Variants in SLC35F3 observed in about 807,000 individuals in gnomAD.
The protein encoded by SLC35F3 is solute carrier family 35 member F3, also known as putative thiamine transporter SLC35F3.
In SLC35F3, 25 loss-of-function variants were observed where a neutral mutation model predicts 49.9. The observed-to-expected ratio is 0.50, with a 90% CI of 0.37 to 0.70. The LOEUF (loss-of-function observed/expected upper bound fraction) is 0.70. SLC35F3 is among the 30% of genes least tolerant of loss of function. SLC35F3 has a pLI of 0.00. For missense variants in SLC35F3, 525 were observed against 639.8 expected, an observed-to-expected ratio of 0.82 and a Z score of 1.94; for synonymous variants, 275 against 265.4, an observed-to-expected ratio of 1.04 and a Z score of -0.35.
At chr1:233,979,044 A>C (rs1663137497) in intron 2 of SLC35F3, among the ~76,000 whole-genome samples, 1 of 152,022 alleles carries the variant, frequency 6.6e-6, no homozygotes, top group South Asian at 2.1e-4. Flanking sequence ...TCCAATTAAA[A>C]AAAAAAAAAC....
chr1:234,302,682 G>A (rs1448088612), intron 3 of SLC35F3, among the ~76,000 whole-genome samples: 4 of 152,084 alleles, frequency 2.6e-5, no homozygotes, highest in Admixed American at 1.3e-4. Context: ...GTTTGGCTCC[G>A]CTACTAACAT....
chr1:234,146,068 T>C (rs1222658202), intron 2 of SLC35F3, among the ~76,000 whole-genome samples: 1 of 152,200 alleles, frequency 6.6e-6, no homozygotes, highest in African/African-American at 2.4e-5. Context: ...TTTCTTCTTT[T>C]TAATCTGGTA....
intron 2 of SLC35F3, among the ~76,000 whole-genome samples, chr1:234,201,712 G>C (rs1245004671): frequency 6.6e-6 from 1 of 152,176 alleles, no homozygotes; most frequent in African/African-American, 2.4e-5. Flanking sequence ...ACCCCCAGGA[G>C]TGAAATACAA....
intron 2 of SLC35F3, among the ~76,000 whole-genome samples, chr1:234,069,374 C>T (rs2102867083): frequency 6.6e-6 from 1 of 151,118 alleles, no homozygotes; most frequent in East Asian, 1.9e-4. Flanking sequence ...TCTCCTGGCT[C>T]AGCCTCCTAA....
intron 2 of SLC35F3, among the ~76,000 whole-genome samples, chr1:234,110,136 G>A (rs1052245683): frequency 3.9e-5 from 6 of 152,096 alleles, no homozygotes; most frequent in Admixed American, 1.3e-4. Flanking sequence ...AAAAGGGAAG[G>A]TTTCTGATCA....
At chr1:234,021,353 C>G (rs956579144) in intron 2 of SLC35F3, among the ~76,000 whole-genome samples, 32 of 152,132 alleles carry the variant, frequency 2.1e-4, no homozygotes, top group Admixed American at 2.1e-3. Context: ...TCCTCATGCT[C>G]CCTCATCATC....
intron 2 of SLC35F3, among the ~76,000 whole-genome samples, chr1:234,163,170 T>C (rs1398590310): frequency 6.6e-6 from 1 of 152,220 alleles, no homozygotes; most frequent in African/African-American, 2.4e-5. Context: ...TCACAAAATT[T>C]TGAACTTTCA....
chr1:234,000,565 A>T (rs1663535844), intron 2 of SLC35F3, among the ~76,000 whole-genome samples: 1 of 152,336 alleles, frequency 6.6e-6, no homozygotes, highest in South Asian at 2.1e-4. Context: ...ATTGCTGCGT[A>T]CAAGCAGTGC....
intron 3 of SLC35F3, among the ~76,000 whole-genome samples, chr1:234,300,692 C>G (rs906044981): frequency 6.6e-6 from 1 of 152,156 alleles, no homozygotes; most frequent in Non-Finnish European, 1.5e-5. Flanking sequence ...AGGGGATATA[C>G]GAGCTGATAC....
chr1:234,100,764 C>T (rs1665202357), intron 2 of SLC35F3, among the ~76,000 whole-genome samples: 1 of 152,134 alleles, frequency 6.6e-6, no homozygotes, highest in African/African-American at 2.4e-5. Context: ...ATGGCCTCCC[C>T]ATGGAGCAAA....
At chr1:234,094,193 C>G (rs1207087190) in intron 2 of SLC35F3, among the ~76,000 whole-genome samples, 1 of 152,182 alleles carries the variant, frequency 6.6e-6, no homozygotes, top group African/African-American at 2.4e-5. Context: ...CCAGTAACTT[C>G]AATTTAGAGA....
intron 2 of SLC35F3, among the ~76,000 whole-genome samples, chr1:233,959,843 C>G (rs1000554751): frequency 6.6e-6 from 1 of 152,168 alleles, no homozygotes; most frequent in African/African-American, 2.4e-5. Context: ...ATCTCAATGT[C>G]TGGATCCACC....
rs139125310 is a variant in SLC35F3, at chr1:233,967,716, C to T, written c.283+61958C>T. Reference sequence around the variant, plus strand: ...AGTAGATTTAATTTAGTCTGAGAAACAACAGCCCCATGTCTAAACAAATTT... The same window carrying T: ...AGTAGATTTAATTTAGTCTGAGAAATAACAGCCCCATGTCTAAACAAATTT... On this transcript the variant is annotated intron_variant, in intron 2 of 7. Coordinates refer to ENST00000366618, the MANE Select transcript of SLC35F3 (RefSeq NM_173508.4). 5.6e-3 allele frequency among the ~76,000 whole-genome samples: 855 copies of T among 152,264 alleles called. 6 individuals carry two copies. The highest frequency in any genetic ancestry group is 0.017 in the African/African-American group (700 of 41,562).
chr1:234,228,751 CTG>C (rs1233438101), intron 2 of SLC35F3, among the ~76,000 whole-genome samples: 1 of 152,010 alleles, frequency 6.6e-6, no homozygotes, highest in African/African-American at 2.4e-5. Flanking sequence ...GTGTGTGTGT[CTG>C]TGTGTTGCAC....
At chr1:234,110,539 A>AATTT (rs1358112028) in intron 2 of SLC35F3, among the ~76,000 whole-genome samples, 1 of 152,236 alleles carries the variant, frequency 6.6e-6, no homozygotes, top group Non-Finnish European at 1.5e-5. Flanking sequence ...AGATGGATAA[A>AATTT]ATTGTGTTTT....
At chr1:233,916,015 A>C (rs1661962527) in intron 2 of SLC35F3, among the ~76,000 whole-genome samples, 1 of 152,222 alleles carries the variant, frequency 6.6e-6, no homozygotes, top group African/African-American at 2.4e-5. Flanking sequence ...CATGCTGTGC[A>C]CGTGTGGGAG....
Position 234,059,911 on chromosome 1 carries a change from T to G in SLC35F3, c.283+154153T>G, listed in dbSNP as rs1664515876. The stretch of plus-strand genomic sequence containing the variant: ...TTCTGTCTGCTTTATGTTTGCTGAT[T>G]AGATGGTGCCCACTGAATTAAGGGT... On this transcript the variant is annotated intron_variant, in intron 2 of 7. Coordinates refer to ENST00000366618, the MANE Select transcript of SLC35F3 (RefSeq NM_173508.4). 2.0e-5 allele frequency among the ~76,000 whole-genome samples: 3 copies of G among 152,200 alleles called. No individual in the cohort carries two copies. In the South Asian group the frequency reaches 6.2e-4, roughly 32 times the overall value.
At chr1:234,208,379 A>AT (rs1276906293) in intron 2 of SLC35F3, among the ~76,000 whole-genome samples, 4 of 152,230 alleles carry the variant, frequency 2.6e-5, no homozygotes, top group Non-Finnish European at 5.9e-5. Context: ...ACAAGAGGCT[A>AT]TTTGTACAAC....
intron 2 of SLC35F3, among the ~76,000 whole-genome samples, chr1:234,020,514 C>CT (rs1316037600): frequency 4.6e-5 from 7 of 151,964 alleles, no homozygotes; most frequent in Non-Finnish European, 1.0e-4. Context: ...GTCCCTCCCC[C>CT]TTTTTTTGAA....
Sources: allele counts gnomAD v4.1 joint callset (sites outside exome capture counted in the v4.1 genomes callset), GRCh38; gene constraint gnomAD v4.1.1; transcripts MANE v1.5; gene names NCBI Gene and HGNC (gene_info 2026-07-23, HGNC 2026-07-21).